The following ARHGAP44 variants were observed in gnomAD, a reference collection of about 807,000 sequenced individuals.
ARHGAP44 encodes the protein rho GTPase-activating protein 44.
ARHGAP44 carries 43 observed loss-of-function variants against 106.8 expected under a neutral mutation model. That is an observed-to-expected ratio of 0.40 (90% CI 0.32 to 0.52). The LOEUF is 0.52. Among genes scored for constraint, ARHGAP44 ranks in the 20% least tolerant of loss-of-function variants. The probability of loss-of-function intolerance (pLI) is 0.48; values close to 1 mark genes in which losing one functional copy is unlikely to be tolerated. For synonymous variants in ARHGAP44, 439 were observed against 410.3 expected, an observed-to-expected ratio of 1.07 and a Z score of -0.85; for missense variants, 866 against 1,050.5, an observed-to-expected ratio of 0.82 and a Z score of 2.43.
At chr17:12,931,186 C>T (rs1414432244) in intron 7 of ARHGAP44, among the ~76,000 whole-genome samples, 1 of 151,942 alleles carries the variant, frequency 6.6e-6, no homozygotes, top group Non-Finnish European at 1.5e-5. Flanking sequence ...ATTCTTATGC[C>T]TTAGCCTCCT....
intron 1 of ARHGAP44, among the ~76,000 whole-genome samples, chr17:12,873,852 C>T (rs185033792): frequency 2.6e-5 from 4 of 151,730 alleles, no homozygotes; most frequent in South Asian, 2.1e-4. Flanking sequence ...TGCAGTGAGC[C>T]GAGATCACGC....
chr17:12,941,957 G>A (rs891057876), intron 8 of ARHGAP44, among the ~76,000 whole-genome samples: 3 of 152,176 alleles, frequency 2.0e-5, no homozygotes, highest in African/African-American at 7.2e-5. Flanking sequence ...GATAAAGAAG[G>A]AAGGTAAGGA....
chr17:12,902,967 ACCCAAG>A (rs1346370756), intron 3 of ARHGAP44, among the ~76,000 whole-genome samples: 7 of 151,998 alleles, frequency 4.6e-5, no homozygotes, highest in Non-Finnish European at 8.8e-5. Flanking sequence ...AACCACTGAG[ACCCAAG>A]CATCAAGCCT....
chr17:12,977,054 T>A (rs569608251), intron 18 of ARHGAP44, among the ~76,000 whole-genome samples: 1 of 152,140 alleles, frequency 6.6e-6, no homozygotes, highest in East Asian at 1.9e-4. Flanking sequence ...TCTGAAGGCA[T>A]TCCAGGAACA....
At chr17:12,886,991 A>G (rs1338786767) in intron 1 of ARHGAP44, among the ~76,000 whole-genome samples, 5 of 123,796 alleles carry the variant, frequency 4.0e-5, no homozygotes, top group South Asian at 2.5e-4. Context: ...TTTTTTTACC[A>G]TGAATGGGTT....
intron 3 of ARHGAP44, among the ~76,000 whole-genome samples, 173 bp from the exon 4 acceptor site, chr17:12,908,724 C>CTCG (rs1363459533): frequency 6.6e-6 from 1 of 152,198 alleles, no homozygotes; most frequent in African/African-American, 2.4e-5. Context: ...TTTGACATCT[C>CTCG]TAAGTCTAAC....
intron 4 of ARHGAP44, among the ~76,000 whole-genome samples, chr17:12,913,851 C>A (rs941210339): frequency 6.6e-6 from 1 of 151,812 alleles, no homozygotes; most frequent in African/African-American, 2.4e-5. Flanking sequence ...CACCTGTAAT[C>A]CCAGCCACTC....
intron 16 of ARHGAP44, chr17:12,973,063 A>G: frequency 2.2e-6 from 1 of 450,034 alleles, no homozygotes; most frequent in Non-Finnish European, 3.9e-6. Flanking sequence ...CCACACCAAT[A>G]TCAACTCTTC....
chr17:12,862,471 T>C (rs1418166118), intron 1 of ARHGAP44, among the ~76,000 whole-genome samples: 1 of 152,166 alleles, frequency 6.6e-6, no homozygotes, highest in Non-Finnish European at 1.5e-5. Context: ...GGGGGCAGCC[T>C]TTTATCAAAA....
At chr17:12,962,080 A>ATAT (rs376049215) in intron 16 of ARHGAP44, among the ~76,000 whole-genome samples, 30 of 150,390 alleles carry the variant, frequency 2.0e-4, no homozygotes, top group African/African-American at 6.3e-4. Context: ...GTTAAAAAAA[A>ATAT]ATATATATAT....
intron 10 of ARHGAP44, among the ~76,000 whole-genome samples, chr17:12,946,011 G>A (rs1306207450): frequency 1.3e-5 from 2 of 151,966 alleles, no homozygotes; most frequent in Non-Finnish European, 2.9e-5. Flanking sequence ...CGTCCACCTC[G>A]GCCTCCCAAA....
At chr17:12,908,465 A>G (rs924690508) in intron 3 of ARHGAP44, among the ~76,000 whole-genome samples, 48 of 152,146 alleles carry the variant, frequency 3.2e-4, no homozygotes, top group African/African-American at 1.1e-3. Context: ...TGCCTCATGT[A>G]AAGTGCTGGG....
intron 3 of ARHGAP44, among the ~76,000 whole-genome samples, chr17:12,899,992 G>A (rs961293684): frequency 3.3e-5 from 5 of 152,092 alleles, no homozygotes; most frequent in East Asian, 1.9e-4. Context: ...CATAAAAATC[G>A]GATTTTGTTG....
intron 14 of ARHGAP44, 59 bp downstream of exon 14, chr17:12,956,039 G>T: frequency 2.3e-6 from 3 of 1,310,356 alleles, no homozygotes; most frequent in Non-Finnish European, 3.3e-6. Flanking sequence ...GGCCTGAGCA[G>T]GGTGGGCAGG....
chr17:12,814,876 C>T (rs535421385), intron 1 of ARHGAP44, among the ~76,000 whole-genome samples: 1 of 151,946 alleles, frequency 6.6e-6, no homozygotes, highest in Non-Finnish European at 1.5e-5. Flanking sequence ...AAGCAAAAAC[C>T]CTCCTTTACT....
intron 3 of ARHGAP44, among the ~76,000 whole-genome samples, chr17:12,903,125 AGGAGAGAGAGAGAGAGTGTGTGT>A (rs2037435325): frequency 1.4e-5 from 1 of 72,710 alleles, no homozygotes; most frequent in African/African-American, 5.9e-5. Flanking sequence ...AGAGAGAGAG[AGGAGAGAGAGAGAGAGTGTGTGT>A]GTGTGTGTGT....
At chr17:12,873,874 A>ATG (rs1239710327) in intron 1 of ARHGAP44, among the ~76,000 whole-genome samples, 1 of 152,182 alleles carries the variant, frequency 6.6e-6, no homozygotes, top group Non-Finnish European at 1.5e-5. Context: ...ATTGCACTCC[A>ATG]GCCTGGATGA....
At chr17:12,936,387 C>G (rs374644130) in intron 7 of ARHGAP44, among the ~76,000 whole-genome samples, 1 of 152,154 alleles carries the variant, frequency 6.6e-6, no homozygotes, top group African/African-American at 2.4e-5. Flanking sequence ...AACCACTGAT[C>G]TTTTTATTGT....
intron 1 of ARHGAP44, among the ~76,000 whole-genome samples, chr17:12,802,506 G>C (rs2034124062): frequency 6.6e-6 from 1 of 151,488 alleles, no homozygotes; most frequent in Non-Finnish European, 1.5e-5. Flanking sequence ...TTGGAAACAG[G>C]GGGAGAATAG....
Sources: allele counts gnomAD v4.1 joint callset (sites outside exome capture counted in the v4.1 genomes callset), GRCh38; gene constraint gnomAD v4.1.1; transcripts MANE v1.5; gene names NCBI Gene and HGNC (gene_info 2026-07-23, HGNC 2026-07-21).